The following EXOC4 variants were observed in gnomAD, a reference collection of about 807,000 sequenced individuals.
EXOC4 encodes SEC8-like 1.
In EXOC4, 71 loss-of-function variants were observed where a neutral mutation model predicts 107.2. The ratio of observed to expected loss-of-function variants is 0.66; its 90% CI spans 0.55 to 0.81. The LOEUF (loss-of-function observed/expected upper bound fraction) is 0.81. Ranked by LOEUF, EXOC4 falls within the 30% of genes least tolerant of loss-of-function variation. EXOC4 has a pLI of 0.00. For synonymous variants in EXOC4, 456 were observed against 441.2 expected (o/e 1.03, Z -0.42); for missense variants, 1,108 against 1,189.6 (o/e 0.93, Z 1.01).
chr7:133,580,170 T>A (rs999786460), intron 9 of EXOC4, among the ~76,000 whole-genome samples: 1 of 152,260 alleles, frequency 6.6e-6, no homozygotes, highest in African/African-American at 2.4e-5. Flanking sequence ...TTCCAAAGTA[T>A]GTATACATCG....
chr7:134,009,208 A>G (rs950475917), intron 17 of EXOC4, among the ~76,000 whole-genome samples: 4 of 152,146 alleles, frequency 2.6e-5, no homozygotes, highest in African/African-American at 7.2e-5. Flanking sequence ...ATAATGCCCA[A>G]TGTTTCTGCC....
chr7:134,100,844 T>C, the EXOC4 span, among the ~76,000 whole-genome samples: 1 of 128,468 alleles, frequency 7.8e-6, no homozygotes, highest in Non-Finnish European at 1.7e-5. Context: ...CTTGGGAGGC[T>C]GAGGCAGGAG....
intron 7 of EXOC4, among the ~76,000 whole-genome samples, chr7:133,465,852 T>G (rs1046929851): frequency 6.6e-6 from 1 of 152,030 alleles, no homozygotes; most frequent in African/African-American, 2.4e-5. Flanking sequence ...AGGAGAAAAC[T>G]CGGCCGGGGG....
chr7:133,655,509 ATTTTC>A (rs1015190500), intron 10 of EXOC4, among the ~76,000 whole-genome samples: 11 of 152,016 alleles, frequency 7.2e-5, no homozygotes, highest in Non-Finnish European at 1.0e-4. Flanking sequence ...GTACAAAAAT[ATTTTC>A]TTTTTTATAT....
intron 10 of EXOC4, among the ~76,000 whole-genome samples, chr7:133,719,770 T>C (rs1423918102): frequency 6.6e-6 from 1 of 152,196 alleles, no homozygotes; most frequent in East Asian, 1.9e-4. Context: ...AACAATACTT[T>C]CTCATTTCAA....
intron 10 of EXOC4, among the ~76,000 whole-genome samples, chr7:133,677,218 T>A (rs1263087474): frequency 6.6e-6 from 1 of 152,112 alleles, no homozygotes; most frequent in Admixed American, 6.6e-5. Context: ...TGTTAACATC[T>A]TTGTTACCGT....
chr7:133,823,871 A>ATATATT (rs1563014863), intron 11 of EXOC4, among the ~76,000 whole-genome samples: 1 of 14,320 alleles, frequency 7.0e-5, no homozygotes, highest in Non-Finnish European at 1.0e-4. Flanking sequence ...ATATATATAT[A>ATATATT]TTATATATAT....
At chr7:133,803,008 T>C (rs1314924498) in intron 10 of EXOC4, among the ~76,000 whole-genome samples, 2 of 152,158 alleles carry the variant, frequency 1.3e-5, no homozygotes, top group African/African-American at 4.8e-5. Flanking sequence ...TGCATTGAAG[T>C]AATGAACTGA....
At chr7:133,260,691 A>T (rs2150505373) in intron 1 of EXOC4, among the ~76,000 whole-genome samples, 1 of 152,258 alleles carries the variant, frequency 6.6e-6, no homozygotes. Context: ...TGGGATTTTG[A>T]TTGGGATTAA....
chr7:133,450,207 C>A (rs1249720227), intron 7 of EXOC4, among the ~76,000 whole-genome samples: 1 of 152,032 alleles, frequency 6.6e-6, no homozygotes, highest in African/African-American at 2.4e-5. Flanking sequence ...GAGTCTTGCC[C>A]TGTTGCCCAG....
intron 5 of EXOC4, among the ~76,000 whole-genome samples, chr7:133,323,606 G>A (rs1795165919): frequency 1.3e-5 from 2 of 152,072 alleles, no homozygotes; most frequent in South Asian, 2.1e-4. Context: ...TGCTGGATTC[G>A]GTTTGCCAAT....
intron 10 of EXOC4, among the ~76,000 whole-genome samples, chr7:133,813,525 A>T: frequency 6.6e-6 from 1 of 152,186 alleles, no homozygotes; most frequent in Non-Finnish European, 1.5e-5. Flanking sequence ...GTAGACTAGG[A>T]TGCACCTGGG....
chr7:133,710,144 G>A (rs1490002056), intron 10 of EXOC4, among the ~76,000 whole-genome samples: 3 of 152,240 alleles, frequency 2.0e-5, no homozygotes, highest in Admixed American at 1.3e-4. Flanking sequence ...TACTTGGGAG[G>A]AAGTGCAGCA....
the EXOC4 span, among the ~76,000 whole-genome samples, chr7:134,089,550 T>G: frequency 6.6e-6 from 1 of 152,188 alleles, no homozygotes; most frequent in Non-Finnish European, 1.5e-5. Flanking sequence ...CTTACCTAGC[T>G]GTAAAGCAGG....
chr7:133,521,809 C>T (rs1390577130), intron 9 of EXOC4, among the ~76,000 whole-genome samples: 4 of 151,884 alleles, frequency 2.6e-5, no homozygotes, highest in Admixed American at 1.3e-4. Context: ...TTAGTAGAGA[C>T]GTGATTTCAC....
At chr7:133,698,775 G>A (rs1230946520) in intron 10 of EXOC4, among the ~76,000 whole-genome samples, 2 of 152,002 alleles carry the variant, frequency 1.3e-5, no homozygotes, top group Non-Finnish European at 2.9e-5. Flanking sequence ...GTGGCTTTGA[G>A]GCCATGTACT....
At position 134,031,931 on chromosome 7, in the gene EXOC4, T is replaced by A. The variant is rs914420059; in HGVS notation, c.2687+24096T>A. On this transcript the variant is annotated intron_variant, in intron 17 of 17. Coordinates refer to ENST00000253861, the MANE Select transcript of EXOC4 (RefSeq NM_021807.4). ...TAAAGTCCTGGTTTAAAATACTAAA[T>A]GTCTGATCTCCCTATTAACCCCAAG... Among the ~76,000 whole-genome samples the A allele has an allele frequency of 4.6e-5, 7 of 152,232 alleles. 1 individual carries two copies. Among genetic ancestry groups the A allele is most frequent in the Admixed American group, 2.6e-4 (4 of 15,284 alleles).
At chr7:133,862,955 A>G (rs1479281115) in intron 11 of EXOC4, among the ~76,000 whole-genome samples, 1 of 152,200 alleles carries the variant, frequency 6.6e-6, no homozygotes, top group Admixed American at 6.5e-5. Context: ...AGATCCATTA[A>G]TCAGAATTAT....
chr7:133,502,168 A>T (rs1280577187), intron 9 of EXOC4, among the ~76,000 whole-genome samples: 1 of 151,228 alleles, frequency 6.6e-6, no homozygotes, highest in Non-Finnish European at 1.5e-5. Flanking sequence ...AATTATATGT[A>T]AAAAAAAAGA....
Sources: allele counts gnomAD v4.1 joint callset (sites outside exome capture counted in the v4.1 genomes callset), GRCh38; gene constraint gnomAD v4.1.1; transcripts MANE v1.5; gene names NCBI Gene and HGNC (gene_info 2026-07-23, HGNC 2026-07-21).